The following CNTN1 variants were observed in gnomAD, a reference collection of about 807,000 sequenced individuals.
CNTN1 encodes contactin 1, also known as contactin-1.
A neutral mutation model predicts 126.4 loss-of-function variants in CNTN1; 38 were observed. The ratio of observed to expected loss-of-function variants is 0.30; its 90% confidence interval spans 0.23 to 0.39. The LOEUF (loss-of-function observed/expected upper bound fraction) is 0.39, where lower values mean the gene tolerates loss of function less well. Among genes scored for constraint, CNTN1 ranks in the 10% least tolerant of loss-of-function variants. CNTN1 has a pLI of 1.00. For missense variants in CNTN1, 1,009 were observed against 1,248.4 expected (o/e 0.81, Z 2.89); for synonymous variants, 413 against 422.6 (o/e 0.98, Z 0.28).
rs56862813 is a variant in CNTN1 at position 40,926,171 on chromosome 12, G to GGATAGATAGATAGATAGATAGATA, written c.496+1548_496+1571dup. Reference sequence around the variant, plus strand: ...TGCCATGTTAGATATTGCTAAATAAGGATAGATAGATAGATAGATAGATAG... The same window carrying GGATAGATAGATAGATAGATAGATA: ...TGCCATGTTAGATATTGCTAAATAAGGATAGATAGATAGATAGATAGATAGATAGATAGATAGATAGATAGATAG... On this transcript the variant is annotated intron_variant, in intron 6 of 23. Coordinates refer to ENST00000551295, the MANE Select transcript of CNTN1 (RefSeq NM_001843.4). Among the ~76,000 whole-genome samples, 24 of 137,512 alleles carry GGATAGATAGATAGATAGATAGATA rather than the reference G, an allele frequency of 1.7e-4. 1 individual carries two copies. The highest frequency in any genetic ancestry group is 4.5e-4 in the Admixed American group (6 of 13,260). The allele number at this position is 137,512 out of a possible 152,430, so 90.2% of individuals were successfully genotyped here.
chr12:40,812,033 A>T (rs1592113700), intron 1 of CNTN1, among the ~76,000 whole-genome samples: 1 of 151,334 alleles, frequency 6.6e-6, no homozygotes, highest in Non-Finnish European at 1.5e-5. Context: ...ATTTATTGCC[A>T]TAACTGTCTC....
intron 1 of CNTN1, among the ~76,000 whole-genome samples, chr12:40,771,348 A>G (rs1939329120): frequency 6.6e-6 from 1 of 151,940 alleles, no homozygotes; most frequent in East Asian, 1.9e-4. Flanking sequence ...CACTATGTAT[A>G]TTTTTTACTT....
chr12:40,830,194 T>C (rs181727382), intron 1 of CNTN1, among the ~76,000 whole-genome samples: 1 of 152,240 alleles, frequency 6.6e-6, no homozygotes, highest in East Asian at 1.9e-4. Flanking sequence ...AGTTTCCAGA[T>C]CACGTAAGGA....
At chr12:40,938,567 C>T (rs1455471566) in intron 11 of CNTN1, among the ~76,000 whole-genome samples, 1 of 152,108 alleles carries the variant, frequency 6.6e-6, no homozygotes, top group African/African-American at 2.4e-5. Context: ...TTAAATAATC[C>T]TAATAGATTT....
At chr12:40,710,258 C>G (rs1941879389) in intron 1 of CNTN1, among the ~76,000 whole-genome samples, 1 of 151,972 alleles carries the variant, frequency 6.6e-6, no homozygotes, top group African/African-American at 2.4e-5. Context: ...ATGGGAAGGC[C>G]TGAGGAGAGG....
At chr12:40,902,683 G>C (rs1254236888) in intron 1 of CNTN1, among the ~76,000 whole-genome samples, 3 of 152,090 alleles carry the variant, frequency 2.0e-5, no homozygotes, top group Non-Finnish European at 4.4e-5. Context: ...CTAATCATCA[G>C]TGCGATGAAA....
At chr12:40,929,770 AT>A in intron 6 of CNTN1, 25 bp from the exon 7 acceptor site, 1 of 1,567,132 alleles carries the variant, frequency 6.4e-7, no homozygotes. Flanking sequence ...AGCACTTAAT[AT>A]TTAGAAGGCA....
At chr12:41,019,241 T>C (rs1948853542) in intron 19 of CNTN1, among the ~76,000 whole-genome samples, 1 of 152,222 alleles carries the variant, frequency 6.6e-6, no homozygotes, top group Non-Finnish European at 1.5e-5. Context: ...ACAGATAAAA[T>C]GAGTGTCTTA....
In CNTN1 at chr12:40,944,043, G is replaced by T; in HGVS notation, c.1556G>T (p.Gly519Val). 1 of 1,613,510 alleles carries T rather than the reference G, an allele frequency of 6.2e-7. No homozygotes were observed. The highest frequency in any genetic ancestry group is 8.5e-7 in the Non-Finnish European group (1 of 1,179,642). ...CCAATTAATGCCGATATCACAGTTG[G>T]AGAAAACGCCACCATGCAGTGTGCT... Reference protein sequence around the residue: ...LAPINADITVGENATMQCAAS... With the variant: ...LAPINADITVVENATMQCAAS... Residue 519 changes from glycine (G) to valine (V), a missense_variant, in exon 14 of 24, where the codon GGA (glycine) becomes GTA (valine). Gly to Val is a moderately radical substitution (Grantham distance 109). Transcript: ENST00000551295.
Position 40,944,104 on chromosome 12 carries a change from T to A in CNTN1, c.1617T>A (p.Val539=), listed in dbSNP as rs1164230570. 1 of 1,613,530 alleles carries A rather than the reference T, an allele frequency of 6.2e-7. No homozygotes were observed. Among genetic ancestry groups the A allele is most frequent in the South Asian group, 1.1e-5 (1 of 91,066 alleles). ...ATCCTGCCTTGGATCTCACATTTGT[T>A]TGGTCCTTCAATGGCTATGTGATCG... The part of the protein sequence containing the change: ...SFDPALDLTF[V]WSFNGYVIDF... Residue 539 remains valine (V), a synonymous_variant, in exon 14 of 24, where the codon GTT becomes GTA. Transcript: ENST00000551295.
chr12:40,888,742 G>A (rs1253170659), intron 1 of CNTN1, among the ~76,000 whole-genome samples: 1 of 152,236 alleles, frequency 6.6e-6, no homozygotes, highest in African/African-American at 2.4e-5. Flanking sequence ...TACTGGGCCT[G>A]ATAGAGAGAC....
intron 6 of CNTN1, among the ~76,000 whole-genome samples, chr12:40,926,118 C>T (rs1300501447): frequency 1.3e-5 from 2 of 150,006 alleles, no homozygotes; most frequent in Admixed American, 1.3e-4. Flanking sequence ...GAGAGTCAGA[C>T]ATTAATAAGA....
chr12:40,925,832 ATG>A (rs1194013333), intron 6 of CNTN1, among the ~76,000 whole-genome samples: 2,425 of 75,958 alleles, frequency 0.032, 73 homozygotes, highest in African/African-American at 0.11. Context: ...ATATATATGT[ATG>A]TGTGTGTGTG....
chr12:40,867,220 C>T (rs1221932568), intron 1 of CNTN1, among the ~76,000 whole-genome samples: 1 of 152,116 alleles, frequency 6.6e-6, no homozygotes, highest in East Asian at 1.9e-4. Flanking sequence ...TCCACTTGGT[C>T]TAGTGACATA....
intron 23 of CNTN1, among the ~76,000 whole-genome samples, chr12:41,032,378 A>G (rs1039747932): frequency 1.1e-5 from 1 of 93,386 alleles, no homozygotes; most frequent in African/African-American, 7.1e-5. Flanking sequence ...AAAAAAAAAA[A>G]AAAAAGAAAA....
At chr12:41,066,130 A>G (rs927659062) in intron 23 of CNTN1, among the ~76,000 whole-genome samples, 22 of 152,218 alleles carry the variant, frequency 1.4e-4, no homozygotes, top group African/African-American at 5.3e-4. Context: ...ATAATGTCGG[A>G]CCAGGACTAG....
intron 3 of CNTN1, among the ~76,000 whole-genome samples, chr12:40,917,460 A>G (rs1945286600): frequency 6.6e-6 from 1 of 152,134 alleles, no homozygotes; most frequent in African/African-American, 2.4e-5. Flanking sequence ...CACACTGATA[A>G]TGTTACTGAA....
At chr12:40,897,744 G>A (rs1944461663) in intron 1 of CNTN1, among the ~76,000 whole-genome samples, 2 of 152,178 alleles carry the variant, frequency 1.3e-5, no homozygotes, top group African/African-American at 4.8e-5. Context: ...GGGGCACCAG[G>A]TTAAGGTAGC....
At chr12:40,811,909 G>T (rs1941079952) in intron 1 of CNTN1, among the ~76,000 whole-genome samples, 2 of 144,194 alleles carry the variant, frequency 1.4e-5, no homozygotes, top group Non-Finnish European at 1.5e-5. Context: ...CTCTGATTTT[G>T]TTATTTTGTT....
Sources: allele counts gnomAD v4.1 joint callset (sites outside exome capture counted in the v4.1 genomes callset), GRCh38; gene constraint gnomAD v4.1.1; transcripts MANE v1.5; gene names NCBI Gene and HGNC (gene_info 2026-07-23, HGNC 2026-07-21).